The following PYM1 variants were observed in gnomAD, a reference collection of about 807,000 sequenced individuals.
PYM1 encodes the protein partner of Y14 and mago.
A neutral mutation model predicts 20.7 loss-of-function variants in PYM1; 7 were observed. The observed-to-expected ratio is 0.34, with a 90% confidence interval of 0.19 to 0.64. The LOEUF is 0.64. Among genes scored for constraint, PYM1 ranks in the 30% least tolerant of loss-of-function variants. PYM1 has a pLI of 0.74. For synonymous variants in PYM1, 100 were observed against 99.2 expected, an observed-to-expected ratio of 1.01 and a Z score of -0.05; for missense variants, 194 against 250.0, an observed-to-expected ratio of 0.78 and a Z score of 1.51.
At chr12:55,924,410 A>C (rs1238047599) in intron 1 of PYM1, among the ~76,000 whole-genome samples, 1 of 152,018 alleles carries the variant, frequency 6.6e-6, no homozygotes, top group Non-Finnish European at 1.5e-5. Context: ...TGGCAGACTG[A>C]GGTGGGAAGA....
intron 1 of PYM1, among the ~76,000 whole-genome samples, chr12:55,917,922 T>C (rs963781218): frequency 2.0e-5 from 3 of 150,546 alleles, no homozygotes; most frequent in African/African-American, 7.3e-5. Context: ...ATCACACCAC[T>C]GAACTCCAGC....
chr12:55,917,107 T>TA (rs199558413), intron 1 of PYM1, among the ~76,000 whole-genome samples: 4,791 of 142,648 alleles, frequency 0.034, 188 homozygotes, highest in South Asian at 0.13. Context: ...GTCTCAAAAA[T>TA]AAAAAAAAAT....
intron 1 of PYM1, among the ~76,000 whole-genome samples, chr12:55,925,967 C>T (rs967187904): frequency 6.6e-6 from 1 of 152,180 alleles, no homozygotes; most frequent in Admixed American, 6.6e-5. Context: ...GGAGAAGTAG[C>T]AGCAACCTGG....
intron 1 of PYM1, among the ~76,000 whole-genome samples, chr12:55,918,471 G>A (rs1485519721): frequency 1.3e-5 from 2 of 152,066 alleles, no homozygotes; most frequent in African/African-American, 4.8e-5. Context: ...GGTGGCTCAC[G>A]TCTGTAATCC....
In PYM1 at chr12:55,927,719, G is replaced by C. The variant is rs1301716057; in HGVS notation, c.37+6C>G. Reference sequence around the variant, plus strand: ...TGCAAGGCGGAGGGCGCCGCGGGTCGGTCACCTGTCTCCGTAGCCGCAGGG... The same window carrying C: ...TGCAAGGCGGAGGGCGCCGCGGGTCCGTCACCTGTCTCCGTAGCCGCAGGG... On this transcript the variant is annotated splice_donor_region_variant and intron_variant, in intron 1 of 2. Transcript: ENST00000408946. 1.3e-6 allele frequency: 2 copies of C among 1,539,686 alleles called. No individual in the cohort carries two copies. Among genetic ancestry groups the C allele is most frequent in the Non-Finnish European group, 1.7e-6 (2 of 1,146,416 alleles).
intron 1 of PYM1, among the ~76,000 whole-genome samples, chr12:55,905,720 A>ATG (rs1227185649): frequency 3.0e-4 from 5 of 16,936 alleles, no homozygotes; most frequent in Non-Finnish European, 9.7e-4. Flanking sequence ...AAATATATAT[A>ATG]TATGTATATA....
In PYM1 at chr12:55,901,978, C is replaced by T; in HGVS notation, c.509G>A (p.Arg170Gln). The T allele has an allele frequency of 5.0e-6, 8 of 1,614,142 alleles. No homozygotes were observed. The highest frequency in any genetic ancestry group is 5.9e-6 in the Non-Finnish European group (7 of 1,180,026). The change falls in exon 3 of 3, where the codon CGG becomes CAG. Residue 170 changes from arginine (R) to glutamine (Q), a missense_variant. Around this residue, in one of 3 missense-constraint regions of PYM1, gnomAD observed 158 missense variants for 179.0 expected, o/e 0.88. Transcript: ENST00000408946. Reference protein sequence around the residue: ...KLRQVEELQQRIQAGEVSQPS... With the variant: ...KLRQVEELQQQIQAGEVSQPS... Reference sequence around the variant, plus strand: ...CTGGCTGACTTCCCCAGCCTGGATCCGCTGCTGCAGCTCTTCCACCTGCCG... The same window carrying T: ...CTGGCTGACTTCCCCAGCCTGGATCTGCTGCTGCAGCTCTTCCACCTGCCG...
At chr12:55,918,447 A>C (rs1211069231) in intron 1 of PYM1, among the ~76,000 whole-genome samples, 1 of 152,064 alleles carries the variant, frequency 6.6e-6, no homozygotes, top group East Asian at 1.9e-4. Context: ...GAAATCAACA[A>C]ATAGGCCAGG....
rs1883224727 is a variant in PYM1, at chr12:55,927,820, G to A, written c.-59C>T. 1 of 1,518,112 alleles carries A rather than the reference G, an allele frequency of 6.6e-7. No individual in the cohort carries two copies. Among genetic ancestry groups the A allele is most frequent in the East Asian group, 2.5e-5 (1 of 40,274 alleles). The allele number at this position is 1,518,112 out of a possible 1,614,324, so 94.0% of individuals were successfully genotyped here. A position where few individuals can be genotyped will look rare whatever the true frequency, so the allele number is the denominator to read the frequency against. On this transcript the variant is annotated 5_prime_UTR_variant, in exon 1 of 3. Transcript: ENST00000408946. Reference sequence around the variant, plus strand: ...GGCCCTGGCCTGGCTCTGCCCCGCTGGGCGGCGCCGGGGATTCGGCGGCGA... The same window carrying A: ...GGCCCTGGCCTGGCTCTGCCCCGCTAGGCGGCGCCGGGGATTCGGCGGCGA...
intron 1 of PYM1, among the ~76,000 whole-genome samples, chr12:55,915,703 G>A (rs1027582794): frequency 2.6e-5 from 4 of 152,050 alleles, no homozygotes; most frequent in African/African-American, 9.7e-5. Context: ...CAAAGCATAA[G>A]ACAAAAGTAA....
chr12:55,903,562 T>C, intron 1 of PYM1, 82 bp from the exon 2 acceptor site: 2 of 1,349,968 alleles, frequency 1.5e-6, no homozygotes, highest in Non-Finnish European at 2.1e-6. Context: ...TAAATGTACA[T>C]ACCATCTCTC....
chr12:55,915,212 C>G (rs1181764360), intron 1 of PYM1, among the ~76,000 whole-genome samples: 1 of 6,854 alleles, frequency 1.5e-4, no homozygotes, highest in Non-Finnish European at 2.8e-4. Context: ...AAGACTCTGC[C>G]TAAAAAAAAA....
intron 1 of PYM1, among the ~76,000 whole-genome samples, chr12:55,918,802 A>C (rs1004282638): frequency 7.9e-5 from 12 of 152,344 alleles, no homozygotes; most frequent in African/African-American, 2.9e-4. Flanking sequence ...TGAGAGGCAG[A>C]GGTCGCACTG....
At chr12:55,918,391 C>A (rs559450608) in intron 1 of PYM1, among the ~76,000 whole-genome samples, 1 of 151,982 alleles carries the variant, frequency 6.6e-6, no homozygotes, top group Non-Finnish European at 1.5e-5. Flanking sequence ...TGAGCCACTG[C>A]GCCCAACCAC....
chr12:55,912,008 T>C (rs554763295), intron 1 of PYM1, among the ~76,000 whole-genome samples: 3 of 152,142 alleles, frequency 2.0e-5, no homozygotes, highest in Non-Finnish European at 4.4e-5. Context: ...AATTGAGTCT[T>C]GGACAACATA....
chr12:55,923,682 G>T (rs1318084138), intron 1 of PYM1, among the ~76,000 whole-genome samples: 1 of 152,058 alleles, frequency 6.6e-6, no homozygotes, highest in African/African-American at 2.4e-5. Context: ...TGACAGTAAT[G>T]GGGAAACTGA....
intron 1 of PYM1, among the ~76,000 whole-genome samples, chr12:55,911,146 T>C (rs780069790): frequency 1.3e-5 from 2 of 152,228 alleles, no homozygotes; most frequent in Non-Finnish European, 2.9e-5. Flanking sequence ...TTTGCTCTTG[T>C]AGCCCAGGCT....
intron 1 of PYM1, among the ~76,000 whole-genome samples, chr12:55,918,608 A>G (rs1226239857): frequency 6.6e-6 from 1 of 152,160 alleles, no homozygotes; most frequent in Non-Finnish European, 1.5e-5. Context: ...GGTGGCTTAC[A>G]CCTGTAATCC....
intron 2 of PYM1, 21 bp from the exon 3 acceptor site, chr12:55,902,376 C>T: frequency 6.3e-7 from 1 of 1,585,364 alleles, no homozygotes; most frequent in Non-Finnish European, 8.6e-7. Context: ...CAAAGGATGT[C>T]AAGAGTTTCA....
Sources: gnomAD v4.1 joint callset for allele counts (sites outside exome capture counted in the v4.1 genomes callset) on GRCh38, gnomAD v4.1.1 for gene constraint, gnomAD v4.1.1 regional missense constraint, MANE v1.5 for transcripts, NCBI Gene and HGNC (gene_info 2026-07-23, HGNC 2026-07-21) for gene names.